Variants in DCC observed in about 807,000 individuals in gnomAD.
DCC encodes the protein netrin receptor DCC.
A neutral mutation model predicts 172.5 loss-of-function variants in DCC; 58 were observed. The ratio of observed to expected loss-of-function variants is 0.34; its 90% CI spans 0.27 to 0.42. The LOEUF is 0.42. Ranked by LOEUF, DCC falls within the 10% of genes least tolerant of loss-of-function variation. The pLI, the probability that DCC is intolerant of heterozygous loss-of-function variation, is 1.00. For synonymous variants in DCC, 709 were observed against 644.5 expected (o/e 1.10, Z -1.52); for missense variants, 1,740 against 1,791.0 (o/e 0.97, Z 0.51).
Position 52,923,758 on chromosome 18 carries a change from T to C in DCC, c.749T>C (p.Val250Ala), listed in dbSNP as rs747189622. 3.7e-6 allele frequency: 6 copies of C among 1,610,540 alleles called. No individual in the cohort carries two copies. The Admixed American group carries it at 8.3e-5, about 22-fold the overall frequency. Reference sequence around the variant, plus strand: ...TTTCTGCAAAGACCATCCAATGTAGTAGCCATTGAAGGAAAAGATGCTGTC... The same window carrying C: ...TTTCTGCAAAGACCATCCAATGTAGCAGCCATTGAAGGAAAAGATGCTGTC... The part of the protein sequence containing the change: ...LYFLQRPSNV[V>A]AIEGKDAVLE... The change falls in exon 4 of 29, where the codon GTA (valine) becomes GCA (alanine). Residue 250 changes from valine to alanine, a missense_variant. This residue lies in a region of DCC where 1,732 missense variants were observed against 1,767.4 expected (regional missense o/e 0.98). Coordinates refer to ENST00000442544, the MANE Select transcript of DCC (RefSeq NM_005215.4).
chr18:52,569,930 C>T (rs921527567), intron 1 of DCC, among the ~76,000 whole-genome samples: 35 of 151,934 alleles, frequency 2.3e-4, no homozygotes, highest in African/African-American at 8.5e-4. Flanking sequence ...AGAGAATACC[C>T]ATTTGTTTAT....
rs182102078 is a variant in DCC, at chr18:52,624,717, C to T, written c.92-127337C>T. Among the ~76,000 whole-genome samples, 227 of 152,256 alleles carry T rather than the reference C, an allele frequency of 1.5e-3. 1 individual carries two copies. Among genetic ancestry groups the T allele is most frequent in the African/African-American group, 5.1e-3 (214 of 41,558 alleles). Reference sequence around the variant, plus strand: ...TGGAAAACTGACTCAATTAATCAAACATATATCTGTTGCACTTCTGCTATG... The same window carrying T: ...TGGAAAACTGACTCAATTAATCAAATATATATCTGTTGCACTTCTGCTATG... On this transcript the variant is annotated intron_variant, in intron 1 of 28. Coordinates refer to ENST00000442544, the MANE Select transcript of DCC (RefSeq NM_005215.4).
At chr18:52,667,724 G>A (rs924452762) in intron 1 of DCC, among the ~76,000 whole-genome samples, 1 of 152,184 alleles carries the variant, frequency 6.6e-6, no homozygotes, top group African/African-American at 2.4e-5. Context: ...CCCTGGAGGG[G>A]GAAGAGCTGG....
chr18:52,784,981 G>A (rs2042279624), intron 2 of DCC, among the ~76,000 whole-genome samples: 1 of 151,666 alleles, frequency 6.6e-6, no homozygotes, highest in South Asian at 2.1e-4. Flanking sequence ...CAAAAAAGTG[G>A]GGAGGTGGTT....
intron 15 of DCC, among the ~76,000 whole-genome samples, chr18:53,361,911 G>T (rs531463487): frequency 6.6e-6 from 1 of 152,078 alleles, no homozygotes; most frequent in Non-Finnish European, 1.5e-5. Flanking sequence ...AGTTCGCAAG[G>T]CTTGCACAAC....
Position 52,357,951 on chromosome 18 carries a change from A to T in DCC, c.91+17073A>T, listed in dbSNP as rs78907321. On this transcript the variant is annotated intron_variant, in intron 1 of 28. Transcript: ENST00000442544. ...AGACTCTGTGTAAAAAAAAAAAAAA[A>T]AAAAATCTGACAAACACTACCTCAG... is the stretch of plus-strand genomic sequence containing the variant. Among the ~76,000 whole-genome samples, 1,474 of 149,210 alleles carry T rather than the reference A, an allele frequency of 9.9e-3. 11 individuals carry two copies. The highest frequency in any genetic ancestry group is 0.025 in the African/African-American group (1,016 of 40,046).
rs1282163827 is a variant in DCC at position 52,686,835 on chromosome 18, T to A, written c.92-65219T>A. ...CCTCCTCACTGAGAGCTTGCCTTGATCATATTTCTGCCAATCCCTCAGTCC... is the reference window on the plus strand; with the variant it reads ...CCTCCTCACTGAGAGCTTGCCTTGAACATATTTCTGCCAATCCCTCAGTCC... On this transcript the variant is annotated intron_variant, in intron 1 of 28. Coordinates refer to ENST00000442544, the MANE Select transcript of DCC (RefSeq NM_005215.4). Among the ~76,000 whole-genome samples the A allele has an allele frequency of 2.6e-5, 4 of 152,068 alleles. No homozygotes were observed. The South Asian group carries it at 8.3e-4, about 31-fold the overall frequency.
intron 8 of DCC, among the ~76,000 whole-genome samples, chr18:53,159,971 T>C (rs1448831755): frequency 6.6e-6 from 1 of 151,848 alleles, no homozygotes; most frequent in African/African-American, 2.4e-5. Flanking sequence ...AGAGACAATG[T>C]GGAAAAGAAG....
chr18:53,136,941 G>C (rs923101158), intron 7 of DCC, among the ~76,000 whole-genome samples: 1 of 152,110 alleles, frequency 6.6e-6, no homozygotes, highest in Admixed American at 6.5e-5. Flanking sequence ...TTATATCCAT[G>C]ATATATATTG....
intron 2 of DCC, among the ~76,000 whole-genome samples, chr18:52,812,250 ATG>A (rs1016705202): frequency 2.0e-4 from 30 of 152,306 alleles, no homozygotes; most frequent in African/African-American, 5.1e-4. Flanking sequence ...TTTATATTTT[ATG>A]TGTGTTTCAA....
At chr18:52,798,125 G>C (rs62083280) in intron 2 of DCC, among the ~76,000 whole-genome samples, 2 of 150,768 alleles carry the variant, frequency 1.3e-5, no homozygotes, top group African/African-American at 5.0e-5. Context: ...ATGAGATGTT[G>C]CATAGGGCAA....
intron 15 of DCC, among the ~76,000 whole-genome samples, chr18:53,374,997 C>A (rs2058095169): frequency 6.6e-6 from 1 of 152,170 alleles, no homozygotes; most frequent in African/African-American, 2.4e-5. Context: ...CCTGCAGTGA[C>A]CCATGGGTGG....
rs192650934 is a variant in DCC at position 53,522,550 on chromosome 18, G to A, written c.4112-4067G>A. Reference sequence around the variant, plus strand: ...AAGGCTACAGGAACCAAATCAGCATGGTACTGGTACCAAAACAGAGATATA... The same window carrying A: ...AAGGCTACAGGAACCAAATCAGCATAGTACTGGTACCAAAACAGAGATATA... On this transcript the variant is annotated intron_variant, in intron 27 of 28. Transcript: ENST00000442544. 3.5e-3 allele frequency among the ~76,000 whole-genome samples: 540 copies of A among 152,218 alleles called. 2 individuals are homozygous for A. Among genetic ancestry groups the A allele is most frequent in the African/African-American group, 0.01 (424 of 41,530 alleles).
intron 7 of DCC, among the ~76,000 whole-genome samples, chr18:53,078,388 C>T (rs1252525224): frequency 6.6e-6 from 1 of 152,088 alleles, no homozygotes; most frequent in Admixed American, 6.6e-5. Context: ...TTCAAAGAAA[C>T]ATTAAGTCTT....
intron 1 of DCC, among the ~76,000 whole-genome samples, chr18:52,737,948 A>G (rs1191048508): frequency 1.3e-5 from 2 of 152,138 alleles, no homozygotes. Flanking sequence ...ACCTCAGAAC[A>G]GGGTCATCAG....
intron 13 of DCC, among the ~76,000 whole-genome samples, chr18:53,314,931 C>T (rs2144809644): frequency 6.6e-6 from 1 of 152,192 alleles, no homozygotes; most frequent in East Asian, 1.9e-4. Context: ...TGGGGAAATA[C>T]TTACAATACA....
chr18:53,084,861 C>T (rs2042856465), intron 7 of DCC, among the ~76,000 whole-genome samples: 1 of 152,180 alleles, frequency 6.6e-6, no homozygotes, highest in Non-Finnish European at 1.5e-5. Flanking sequence ...ACTAATTTTG[C>T]ATCTACATTC....
At chr18:53,081,108 CT>C (rs777116153) in intron 7 of DCC, among the ~76,000 whole-genome samples, 39 of 152,102 alleles carry the variant, frequency 2.6e-4, no homozygotes, top group East Asian at 9.7e-4. Flanking sequence ...AAAACTATCA[CT>C]TTTTCCCCCC....
At chr18:52,580,282 CAG>C (rs1316382853) in intron 1 of DCC, among the ~76,000 whole-genome samples, 1 of 152,180 alleles carries the variant, frequency 6.6e-6, no homozygotes, top group Non-Finnish European at 1.5e-5. Flanking sequence ...TGTTTTGAGA[CAG>C]AGTCTCACTG....
Sources: allele counts gnomAD v4.1 joint callset (sites outside exome capture counted in the v4.1 genomes callset), GRCh38; gene constraint gnomAD v4.1.1; regional missense constraint gnomAD v4.1.1; transcripts MANE v1.5; gene names NCBI Gene and HGNC (gene_info 2026-07-23, HGNC 2026-07-21).